The following RIT1 variants were observed in gnomAD, a reference collection of about 807,000 sequenced individuals.
The protein encoded by RIT1 is GTP-binding protein Rit1.
A neutral mutation model predicts 25.6 loss-of-function variants in RIT1; 6 were observed. The ratio of observed to expected loss-of-function variants is 0.23; its 90% confidence interval spans 0.13 to 0.46. The LOEUF is 0.46. Among genes scored for constraint, RIT1 ranks in the 20% least tolerant of loss-of-function variants. The pLI, the probability that RIT1 is intolerant of heterozygous loss-of-function variation, is 0.99. For synonymous variants in RIT1, 81 were observed against 94.1 expected (o/e 0.86, Z 0.80); for missense variants, 219 against 284.4 (o/e 0.77, Z 1.65).
chr1:155,902,817 T>TG (rs917639103), intron 5 of RIT1, among the ~76,000 whole-genome samples: 20 of 151,304 alleles, frequency 1.3e-4, no homozygotes, highest in African/African-American at 4.4e-4. Flanking sequence ...CACTCCAGCC[T>TG]GGGCAACAGA....
chr1:155,904,828 C>G, intron 3 of RIT1, 24 bp from the exon 4 acceptor site: 1 of 1,511,862 alleles, frequency 6.6e-7, no homozygotes, highest in Non-Finnish European at 9.2e-7. Context: ...GAAAGGTGTA[C>G]TATAAAGTCA....
At chr1:155,902,560 C>T (rs183285600) in intron 5 of RIT1, among the ~76,000 whole-genome samples, 230 of 150,674 alleles carry the variant, frequency 1.5e-3, no homozygotes, top group African/African-American at 5.4e-3. Context: ...AACAAAAAAA[C>T]GCTGGGTGTG....
chr1:155,904,616 T>A, intron 4 of RIT1, 114 bp from the exon 5 acceptor site: 3 of 1,208,142 alleles, frequency 2.5e-6, no homozygotes, highest in Non-Finnish European at 3.6e-6. Context: ...CTATCCTGAG[T>A]CAGAGTGCAT....
rs1384860555 is a variant in RIT1 at position 155,897,832 on chromosome 1, C to G, written c.*2556G>C. ...GTTGTTTAAAAGTTTTGTATTATGTCATACAAACTGTCTTCACATACAAGT... is the reference window on the plus strand; with the variant it reads ...GTTGTTTAAAAGTTTTGTATTATGTGATACAAACTGTCTTCACATACAAGT... On this transcript the variant is annotated 3_prime_UTR_variant, in exon 6 of 6. Coordinates refer to ENST00000368323, the MANE Select transcript of RIT1 (RefSeq NM_006912.6). 2 of 152,304 alleles carry G rather than the reference C, an allele frequency of 1.3e-5. No individual in the cohort carries two copies. Among genetic ancestry groups the G allele is most frequent in the Non-Finnish European group, 2.9e-5 (2 of 68,028 alleles). 9.4% of individuals were successfully genotyped at this position (152,304 alleles called of 1,614,324 possible). A position where few individuals can be genotyped will look rare whatever the true frequency, so the allele number is the denominator to read the frequency against.
intron 3 of RIT1, among the ~76,000 whole-genome samples, chr1:155,905,831 A>ATT (rs1357777893): frequency 6.9e-6 from 1 of 144,320 alleles, no homozygotes; most frequent in African/African-American, 2.5e-5. Flanking sequence ...ATAATTCACT[A>ATT]TTTTTTTTTT....
chr1:155,901,370 G>A (rs776409009), intron 5 of RIT1, among the ~76,000 whole-genome samples: 1 of 151,998 alleles, frequency 6.6e-6, no homozygotes, highest in Non-Finnish European at 1.5e-5. Context: ...GGCCAGGAGC[G>A]GTGGCTCACG....
At position 155,899,250 on chromosome 1, in the gene RIT1, T is replaced by A. The variant is rs1363908256; in HGVS notation, c.*1138A>T. The A allele has an allele frequency of 4.9e-6, 1 of 204,124 alleles. No homozygotes were observed. The highest frequency in any genetic ancestry group is 1.0e-5 in the Non-Finnish European group (1 of 99,248). 12.6% of individuals were successfully genotyped at this position (204,124 alleles called of 1,614,324 possible). On this transcript the variant is annotated 3_prime_UTR_variant, in exon 6 of 6. Transcript: ENST00000368323. The stretch of plus-strand genomic sequence containing the variant: ...TAACCCTGAGATGAACTTAGCAAAG[T>A]CCTTGTAAAGAAATCTTCAGATGGG...
At chr1:155,907,586 A>G (rs988834826) in intron 3 of RIT1, among the ~76,000 whole-genome samples, 1 of 152,204 alleles carries the variant, frequency 6.6e-6, no homozygotes, top group Non-Finnish European at 1.5e-5. Context: ...ACCAGTTACA[A>G]TGTAAAGTTT....
chr1:155,908,856 C>A (rs1673513794), intron 3 of RIT1, among the ~76,000 whole-genome samples: 1 of 151,956 alleles, frequency 6.6e-6, no homozygotes, highest in East Asian at 2.0e-4. Context: ...AGCCACCGCG[C>A]CTGGCCTGAA....
rs1213963509 is a variant in RIT1, at chr1:155,904,373, G to A, written c.367C>T (p.Arg123Cys). 9 of 1,613,890 alleles carry A rather than the reference G, an allele frequency of 5.6e-6. No homozygotes were observed. Among genetic ancestry groups the A allele is most frequent in the Non-Finnish European group, 7.6e-6 (9 of 1,179,904 alleles). Reference sequence around the variant, plus strand: ...AGAACCACAGGTGTATCGTCAGTACGTCGGACTCGATAAATAAGCTGTTTA... The same window carrying A: ...AGAACCACAGGTGTATCGTCAGTACATCGGACTCGATAAATAAGCTGTTTA... ...EFKQLIYRVR[R>C]TDDTPVVLVG... The change falls in exon 5 of 6, where the codon CGT becomes TGT. Residue 123 changes from arginine (R) to cysteine (C), a missense_variant. This residue lies in a region of RIT1 where 131 missense variants were observed against 173.6 expected (regional missense o/e 0.75). Coordinates refer to ENST00000368323, the MANE Select transcript of RIT1 (RefSeq NM_006912.6).
rs754596127 is a variant in RIT1 at position 155,900,587 on chromosome 1, C to T, written c.461G>A (p.Arg154Gln). 2.0e-5 allele frequency: 32 copies of T among 1,614,024 alleles called. No homozygotes were observed. Among genetic ancestry groups the T allele is most frequent in the East Asian group, 1.3e-4 (6 of 44,902 alleles). ...VTKEEGLALA[R>Q]EFSCPFFETS... ...CTCAAAAAAGGGACAGCTGAATTCT[C>T]GGGCCAAGGCCAATCCTTCTTCCTT... Residue 154 changes from arginine to glutamine, a missense_variant, in exon 6 of 6, where the codon CGA (arginine) becomes CAA (glutamine). This residue lies in a region of RIT1 where 81 missense variants were observed against 83.8 expected (regional missense o/e 0.97). Coordinates refer to ENST00000368323, the MANE Select transcript of RIT1 (RefSeq NM_006912.6).
intron 5 of RIT1, among the ~76,000 whole-genome samples, chr1:155,903,168 C>T (rs1289474843): frequency 6.6e-6 from 1 of 152,104 alleles, no homozygotes; most frequent in Non-Finnish European, 1.5e-5. Context: ...TGGTGGCGGA[C>T]ACCTGTAGTC....
Position 155,904,704 on chromosome 1 carries a change from T to TAAAG in RIT1, c.237+26_237+27insCTTT, listed in dbSNP as rs1673398142. On this transcript the variant is annotated intron_variant, in intron 4 of 5. Transcript: ENST00000368323. ...CCCTTTGCTAGAGTAAAAAAGCCTT[T>TAAAG]ACTCATAACATTCTGGGATTTAATA... is the stretch of plus-strand genomic sequence containing the variant. 2.6e-6 allele frequency: 4 copies of TAAAG among 1,553,404 alleles called. No homozygotes were observed. The Admixed American group carries it at 5.0e-5, about 19-fold the overall frequency.
At chr1:155,911,118 C>CTAAGGGGCCGCAT in intron 1 of RIT1, 125 bp downstream of exon 1, 2 of 593,070 alleles carry the variant, frequency 3.4e-6, no homozygotes, top group African/African-American at 1.9e-5. Flanking sequence ...GGGATGCGGC[C>CTAAGGGGCCGCAT]CCTTAGGCCG....
rs1216098986 is a variant in RIT1, at chr1:155,897,849, C to T, written c.*2539G>A. The T allele has an allele frequency of 1.3e-5, 2 of 152,358 alleles. No homozygotes were observed. The highest frequency in any genetic ancestry group is 2.9e-5 in the Non-Finnish European group (2 of 68,054). 9.4% of individuals were successfully genotyped at this position (152,358 alleles called of 1,614,324 possible). On this transcript the variant is annotated 3_prime_UTR_variant, in exon 6 of 6. Coordinates refer to ENST00000368323, the MANE Select transcript of RIT1 (RefSeq NM_006912.6). ...TATTATGTCATACAAACTGTCTTCA[C>T]ATACAAGTGCATTAAAAAAATTATC...
At chr1:155,909,724 C>T (rs891018677) in intron 3 of RIT1, among the ~76,000 whole-genome samples, 6 of 151,894 alleles carry the variant, frequency 4.0e-5, no homozygotes, top group African/African-American at 1.5e-4. Flanking sequence ...GAGTTTGAGA[C>T]CAGCCTGGCC....
intron 3 of RIT1, among the ~76,000 whole-genome samples, chr1:155,908,626 T>C (rs571339160): frequency 6.7e-6 from 1 of 150,066 alleles, no homozygotes; most frequent in African/African-American, 2.4e-5. Flanking sequence ...GTGATGGCAC[T>C]ATCTCGGCTC....
In RIT1 at chr1:155,900,398, G is replaced by A; in HGVS notation, c.650C>T (p.Ser217Leu). 2 of 1,613,040 alleles carry A rather than the reference G, an allele frequency of 1.2e-6. No homozygotes were observed. The highest frequency in any genetic ancestry group is 1.3e-5 in the African/African-American group (1 of 74,986). ...LKSPFRKKKDSVT is the reference protein window; with the variant it reads ...LKSPFRKKKDLVT ...CTTCACATCTTCTCTTCAAGTTACT[G>A]AATCTTTCTTCTTCCGGAATGGTGA... The change falls in exon 6 of 6, where the codon TCA (serine) becomes TTA (leucine). Residue 217 changes from serine to leucine, a missense_variant. By Grantham distance (145) the Ser-to-Leu change is moderately radical (BLOSUM62 -2). Transcript: ENST00000368323.
chr1:155,904,225 T>C (rs1340086592), intron 5 of RIT1, 86 bp downstream of exon 5: 1 of 1,104,344 alleles, frequency 9.1e-7, no homozygotes, highest in Non-Finnish European at 1.3e-6. Flanking sequence ...AAAAAATCTG[T>C]AAGCCAAGCC....
Sources: allele counts gnomAD v4.1 joint callset (sites outside exome capture counted in the v4.1 genomes callset), GRCh38; gene constraint gnomAD v4.1.1; regional missense constraint gnomAD v4.1.1; transcripts MANE v1.5; gene names NCBI Gene and HGNC (gene_info 2026-07-23, HGNC 2026-07-21).